The following KIF1A variants were observed in gnomAD, a reference collection of about 807,000 sequenced individuals.
KIF1A encodes the protein kinesin family member 1A, also known as kinesin-like protein KIF1A.
In KIF1A, 46 loss-of-function variants were observed where a neutral mutation model predicts 227.3. The ratio of observed to expected loss-of-function variants is 0.20; its 90% CI spans 0.16 to 0.26. The LOEUF is 0.26. Among genes scored for constraint, KIF1A ranks in the 10% least tolerant of loss-of-function variants. KIF1A has a pLI of 1.00. For missense variants in KIF1A, 1,683 were observed against 2,485.9 expected (o/e 0.68, Z 6.87); for synonymous variants, 1,022 against 1,012.8 (o/e 1.01, Z -0.17).
rs908929398 is a variant in KIF1A, at chr2:240,758,711, G to A, written c.2445-214C>T. On this transcript the variant is annotated intron_variant, in intron 25 of 48. Coordinates refer to ENST00000498729, the MANE Select transcript of KIF1A (RefSeq NM_001244008.2). The surrounding 1 kb of genome is among the most constrained non-coding windows in gnomAD (Gnocchi z 5.2). Reference sequence around the variant, plus strand: ...GTAACGTACTCAGCTAAGCACGCAAGGTCACCAACAGCTCCTCCCAAACTC... The same window carrying A: ...GTAACGTACTCAGCTAAGCACGCAAAGTCACCAACAGCTCCTCCCAAACTC... Among the ~76,000 whole-genome samples the A allele has an allele frequency of 2.6e-5, 4 of 152,174 alleles. No individual in the cohort carries two copies. Among genetic ancestry groups the A allele is most frequent in the African/African-American group, 9.7e-5 (4 of 41,434 alleles).
intron 29 of KIF1A, 146 bp from the exon 30 acceptor site, chr2:240,746,323 G>C: frequency 1.1e-6 from 1 of 909,214 alleles, no homozygotes; most frequent in Non-Finnish European, 1.6e-6. Context: ...ACCTGTGCCT[G>C]CCTTGTAGGG....
intron 29 of KIF1A, 23 bp from the exon 30 acceptor site, chr2:240,746,200 C>T (rs772315136): frequency 3.2e-5 from 49 of 1,551,654 alleles, no homozygotes; most frequent in Non-Finnish European, 1.7e-5. Context: ...GGACCAGAGT[C>T]AGAGAGAGCC....
rs1345536541 is a variant in KIF1A, at chr2:240,771,045, C to T, written c.1267G>A (p.Ala423Thr). The change falls in exon 15 of 49, where the codon GCG becomes ACG. Residue 423 changes from alanine to threonine, a missense_variant. By Grantham distance (58) the Ala-to-Thr change is moderately conservative. This residue lies in a region of KIF1A where 110 missense variants were observed against 133.1 expected (regional missense o/e 0.83). Coordinates refer to ENST00000498729, the MANE Select transcript of KIF1A (RefSeq NM_001244008.2). ...TCGTGGAGGCTGGACACGGAGGCCG[C>T]GCGGCTGGACAGGGCTGAGAGCGAG... ...SSSLSALSSR[A>T]ASVSSLHERI... The T allele has an allele frequency of 4.3e-6, 7 of 1,613,148 alleles. No homozygotes were observed. The South Asian group carries it at 4.4e-5, about 10-fold the overall frequency.
intron 38 of KIF1A, among the ~76,000 whole-genome samples, chr2:240,733,542 C>T (rs1349934128): frequency 1.3e-5 from 2 of 152,190 alleles, no homozygotes; most frequent in Non-Finnish European, 1.5e-5. Context: ...TGTGTGTGCA[C>T]GTGCTCAAGG....
chr2:240,727,002 G>T, intron 38 of KIF1A, 62 bp from the exon 39 acceptor site: 14 of 951,986 alleles, frequency 1.5e-5, no homozygotes, highest in Non-Finnish European at 2.3e-5. Flanking sequence ...AGCCAGGCCG[G>T]GGACATGCAG....
At chr2:240,811,422 T>C (rs1575674910) in intron 1 of KIF1A, among the ~76,000 whole-genome samples, 1 of 152,186 alleles carries the variant, frequency 6.6e-6, no homozygotes, top group South Asian at 2.1e-4. Context: ...AGTTGTTCTG[T>C]CAGCCAACCT....
intron 1 of KIF1A, among the ~76,000 whole-genome samples, chr2:240,804,292 A>G (rs532299711): frequency 6.6e-6 from 1 of 152,258 alleles, no homozygotes; most frequent in Non-Finnish European, 1.5e-5. Context: ...TAACAATAAT[A>G]TTTCCCAACA....
chr2:240,775,046 G>A lies in KIF1A; in HGVS notation c.959-785C>T, dbSNP rs777070000. Among the ~76,000 whole-genome samples, 2 of 152,228 alleles carry A rather than the reference G, an allele frequency of 1.3e-5. No homozygotes were observed. Among genetic ancestry groups the A allele is most frequent in the East Asian group, 1.9e-4 (1 of 5,194 alleles). ...GCCCCCGCCCTGGGACTGAACCTGG[G>A]TGTGCCTGGAGCAGGCGGCTCCTTC... On this transcript the variant is annotated intron_variant, in intron 11 of 48. Coordinates refer to ENST00000498729, the MANE Select transcript of KIF1A (RefSeq NM_001244008.2). The surrounding 1 kb of genome is among the most constrained non-coding windows in gnomAD (Gnocchi z 5.5).
Position 240,782,764 on chromosome 2 carries a change from C to T in KIF1A, c.865-157G>A, listed in dbSNP as rs1042776259. Among the ~76,000 whole-genome samples the T allele has an allele frequency of 4.6e-5, 7 of 152,184 alleles. No individual in the cohort carries two copies. In the South Asian group the frequency reaches 1.0e-3, roughly 22 times the overall value. ...GACAGCAGCTCCCCCAGGCAGGGTC[C>T]CTCCAGGGCCGCCCTTCCCGGGCCC... On this transcript the variant is annotated intron_variant, in intron 9 of 48. Transcript: ENST00000498729.
chr2:240,744,623 A>T (rs2048373849), intron 32 of KIF1A, among the ~76,000 whole-genome samples: 1 of 152,224 alleles, frequency 6.6e-6, no homozygotes, highest in African/African-American at 2.4e-5. Flanking sequence ...GGCCATGTGA[A>T]CAGACACAAG....
chr2:240,745,802 G>A lies in KIF1A; in HGVS notation c.3310C>T (p.Arg1104Cys), dbSNP rs986710765. ...HLRLGNTFTF[R>C]VTVLQASSIS... is the part of the protein sequence containing the mutation. ...CTGGACGCCTGCAGGACTGTCACAC[G>A]GAAGGTGAAGGTGTTGCCCAGGCGG... Residue 1104 changes from arginine (R) to cysteine (C), a missense_variant, in exon 31 of 49, where the codon CGT (arginine) becomes TGT (cysteine). Physicochemically the swap from Arg to Cys is radical, Grantham distance 180. Transcript: ENST00000498729. The A allele has an allele frequency of 1.9e-6, 3 of 1,612,946 alleles. No homozygotes were observed. The highest frequency in any genetic ancestry group is 1.7e-5 in the Admixed American group (1 of 59,906).
rs1487251720 is a variant in KIF1A at position 240,766,433 on chromosome 2, C to T, written c.1684+482G>A. Among the ~76,000 whole-genome samples the T allele has an allele frequency of 3.9e-5, 6 of 152,188 alleles. No homozygotes were observed. The highest frequency in any genetic ancestry group is 2.1e-4 in the South Asian group (1 of 4,828). On this transcript the variant is annotated intron_variant, in intron 19 of 48. Transcript: ENST00000498729. This position sits in a 1 kb window ranked among gnomAD's most constrained non-coding sequence, Gnocchi z 5.0. ...GCAGGCAGGGGAAACGGACAGATGGCCGCCCACAGCCAACAGGAAACCAAG... is the reference window on the plus strand; with the variant it reads ...GCAGGCAGGGGAAACGGACAGATGGTCGCCCACAGCCAACAGGAAACCAAG...
intron 25 of KIF1A, among the ~76,000 whole-genome samples, chr2:240,759,586 C>CCTCCTGATGGGCT (rs1553633011): frequency 4.3e-5 from 1 of 23,014 alleles, no homozygotes; most frequent in African/African-American, 4.1e-4. Flanking sequence ...CTCCTCTCTG[C>CCTCCTGATGGGCT]CTGGTGCCTC....
rs1170296486 is a variant in KIF1A at position 240,779,630 on chromosome 2, ACT to A, written c.882+2958_882+2959del. Among the ~76,000 whole-genome samples, 4 of 146,460 alleles carry A rather than the reference ACT, an allele frequency of 2.7e-5. No homozygotes were observed. In the East Asian group the frequency reaches 6.1e-4, roughly 22 times the overall value. The stretch of plus-strand genomic sequence containing the variant: ...CTCACAGTTCCTCACTCAGTTCCAC[ACT>A]CAGTTCCTCACTCACTTCCTCACAG... On this transcript the variant is annotated intron_variant, in intron 10 of 48. Coordinates refer to ENST00000498729, the MANE Select transcript of KIF1A (RefSeq NM_001244008.2).
rs935106623 is a variant in KIF1A, at chr2:240,715,554, G to C, written c.*1810C>G. 2 of 152,310 alleles carry C rather than the reference G, an allele frequency of 1.3e-5. No homozygotes were observed. Among genetic ancestry groups the C allele is most frequent in the Non-Finnish European group, 2.9e-5 (2 of 68,076 alleles). 9.4% of individuals were successfully genotyped at this position (152,310 alleles called of 1,614,324 possible). A position where few individuals can be genotyped will look rare whatever the true frequency, so the allele number is the denominator to read the frequency against. On this transcript the variant is annotated 3_prime_UTR_variant, in exon 49 of 49. Transcript: ENST00000498729. ...CAGGCAGCCACAGAGACTGCAGCCA[G>C]CATGGGCCCTGGCCTGCCCTGCACA...
intron 45 of KIF1A, chr2:240,720,190 C>G (rs1478292460): frequency 5.4e-6 from 2 of 373,142 alleles, no homozygotes; most frequent in African/African-American, 2.1e-5. Context: ...GTGCCCCACT[C>G]CACGCCCTTC....
intron 10 of KIF1A, chr2:240,782,157 G>A (rs549478579): frequency 4.1e-6 from 4 of 985,050 alleles, no homozygotes; most frequent in South Asian, 4.7e-5. Flanking sequence ...CGGCACCTCC[G>A]ACTCCACACG....
intron 20 of KIF1A, among the ~76,000 whole-genome samples, chr2:240,765,391 A>G (rs1456037685): frequency 6.6e-6 from 1 of 152,262 alleles, no homozygotes; most frequent in Non-Finnish European, 1.5e-5. Context: ...CCGACAGGGC[A>G]GAGTCCTGGG....
Position 240,792,979 on chromosome 2 carries a change from G to A in KIF1A, c.107-3667C>T, listed in dbSNP as rs983250034. Among the ~76,000 whole-genome samples the A allele has an allele frequency of 1.2e-4, 19 of 152,264 alleles. No homozygotes were observed. The highest frequency in any genetic ancestry group is 4.1e-4 in the African/African-American group (17 of 41,556). On this transcript the variant is annotated intron_variant, in intron 2 of 48. Coordinates refer to ENST00000498729, the MANE Select transcript of KIF1A (RefSeq NM_001244008.2). This position sits in a 1 kb window ranked among gnomAD's most constrained non-coding sequence, Gnocchi z 4.5. Reference sequence around the variant, plus strand: ...GAAGGGAACATATGCTGTTTAAGACGCCCACTCTGCAGCGCACCTGGACCT... The same window carrying A: ...GAAGGGAACATATGCTGTTTAAGACACCCACTCTGCAGCGCACCTGGACCT...
Sources: allele counts gnomAD v4.1 joint callset (sites outside exome capture counted in the v4.1 genomes callset), GRCh38; gene constraint gnomAD v4.1.1; regional missense constraint gnomAD v4.1.1; non-coding constraint Gnocchi (gnomAD v3.1); transcripts MANE v1.5; gene names NCBI Gene and HGNC (gene_info 2026-07-23, HGNC 2026-07-21).